The following RBMS3 variants were observed in gnomAD, a reference collection of about 807,000 sequenced individuals.
The protein encoded by RBMS3 is RNA binding motif single stranded interacting protein 3.
A neutral mutation model predicts 66.8 loss-of-function variants in RBMS3; 27 were observed. The ratio of observed to expected loss-of-function variants is 0.40; its 90% confidence interval spans 0.30 to 0.56. RBMS3 has a LOEUF of 0.56. Among genes scored for constraint, RBMS3 ranks in the 20% least tolerant of loss-of-function variants. The probability of loss-of-function intolerance (pLI) is 0.40; values close to 1 mark genes in which losing one functional copy is unlikely to be tolerated. For missense variants in RBMS3, 513 were observed against 549.5 expected, an observed-to-expected ratio of 0.93 and a Z score of 0.66; for synonymous variants, 188 against 183.0, an observed-to-expected ratio of 1.03 and a Z score of -0.22.
intron 2 of RBMS3, among the ~76,000 whole-genome samples, chr3:29,468,586 A>G (rs2042616181): frequency 6.6e-6 from 1 of 152,152 alleles, no homozygotes; most frequent in African/African-American, 2.4e-5. Context: ...ACTTAATTGT[A>G]TCTTCTAATT....
chr3:29,936,087 G>T lies in RBMS3; in HGVS notation c.941G>T (p.Gly314Val). Residue 314 changes from glycine (G) to valine (V), a missense_variant and splice_region_variant, in exon 11 of 15, where the codon GGT becomes GTT. Physicochemically the swap from Gly to Val is moderately radical, Grantham distance 109. Coordinates refer to ENST00000383767, the MANE Select transcript of RBMS3 (RefSeq NM_001003793.3). Reference sequence around the variant, plus strand: ...AATGGACATTGTATATGCTTGTAGGGTGCTGTGATTACACCAACCATGGAC... The same window carrying T: ...AATGGACATTGTATATGCTTGTAGGTTGCTGTGATTACACCAACCATGGAC... Reference protein sequence around the residue: ...PHPPYVMQPTGAVITPTMDHP... With the variant: ...PHPPYVMQPTVAVITPTMDHP... 1 of 1,611,902 alleles carries T rather than the reference G, an allele frequency of 6.2e-7. No homozygotes were observed. Among genetic ancestry groups the T allele is most frequent in the Non-Finnish European group, 8.5e-7 (1 of 1,178,616 alleles).
intron 1 of RBMS3, among the ~76,000 whole-genome samples, chr3:29,316,030 C>T (rs564300768): frequency 2.6e-5 from 4 of 151,746 alleles, no homozygotes; most frequent in Admixed American, 6.6e-5. Flanking sequence ...TTGGCTACCT[C>T]TTATTGGTTT....
At chr3:29,646,865 T>A (rs1240399974) in intron 4 of RBMS3, among the ~76,000 whole-genome samples, 1 of 152,004 alleles carries the variant, frequency 6.6e-6, no homozygotes. Context: ...AGTGGAGGAG[T>A]CTTTGGGGGC....
At chr3:29,478,799 G>A (rs752457735) in intron 2 of RBMS3, among the ~76,000 whole-genome samples, 1 of 152,214 alleles carries the variant, frequency 6.6e-6, no homozygotes, top group Non-Finnish European at 1.5e-5. Context: ...ATACACAGTT[G>A]TACTAGAATG....
At chr3:29,428,520 TTACTC>T (rs1223870048) in intron 1 of RBMS3, among the ~76,000 whole-genome samples, 8 of 152,000 alleles carry the variant, frequency 5.3e-5, no homozygotes, top group Non-Finnish European at 1.2e-4. Context: ...ATAATTTGCT[TTACTC>T]TATTGATGTG....
At chr3:29,565,645 T>A (rs2046715688) in intron 3 of RBMS3, among the ~76,000 whole-genome samples, 1 of 152,202 alleles carries the variant, frequency 6.6e-6, no homozygotes, top group Non-Finnish European at 1.5e-5. Flanking sequence ...AACCTCACCT[T>A]AAAATCCTAT....
rs184623031 is a variant in RBMS3 at position 29,924,576 on chromosome 3, G to A, written c.940-11510G>A. 2.0e-3 allele frequency among the ~76,000 whole-genome samples: 283 copies of A among 139,486 alleles called. 1 individual carries two copies. The highest frequency in any genetic ancestry group is 2.0e-3 in the Non-Finnish European group (127 of 64,938). The allele number at this position is 139,486 out of a possible 152,430, so 91.5% of individuals were successfully genotyped here. A position where few individuals can be genotyped will look rare whatever the true frequency, so the allele number is the denominator to read the frequency against. ...AGCAGTGCCAGGCATGGTGGCTCAC[G>A]CCTGTAATCCCAGCACTTTGGGAGG... is the stretch of plus-strand genomic sequence containing the variant. On this transcript the variant is annotated intron_variant, in intron 10 of 14. Transcript: ENST00000383767.
intron 6 of RBMS3, among the ~76,000 whole-genome samples, chr3:29,830,908 TAA>T (rs1407813475): frequency 6.6e-6 from 1 of 152,108 alleles, no homozygotes; most frequent in Non-Finnish European, 1.5e-5. Flanking sequence ...AAGTAAGAAT[TAA>T]AGTGACCTTA....
intron 12 of RBMS3, among the ~76,000 whole-genome samples, chr3:29,960,576 G>C (rs745823846): frequency 3.9e-5 from 6 of 152,192 alleles, no homozygotes; most frequent in Admixed American, 3.3e-4. Flanking sequence ...CTTCCACACT[G>C]CCCTAGCAGA....
intron 6 of RBMS3, among the ~76,000 whole-genome samples, chr3:29,842,510 A>G (rs1243407384): frequency 6.6e-6 from 1 of 152,176 alleles, no homozygotes; most frequent in Non-Finnish European, 1.5e-5. Flanking sequence ...AACAGTAATT[A>G]CTATTATTAT....
At chr3:29,859,271 G>A (rs947675127) in intron 6 of RBMS3, among the ~76,000 whole-genome samples, 2 of 151,936 alleles carry the variant, frequency 1.3e-5, no homozygotes, top group Non-Finnish European at 2.9e-5. Context: ...CCTAGCTTTC[G>A]GTTTTAATTC....
chr3:29,918,301 C>A (rs1314667488), intron 10 of RBMS3, among the ~76,000 whole-genome samples: 1 of 152,084 alleles, frequency 6.6e-6, no homozygotes, highest in Non-Finnish European at 1.5e-5. Flanking sequence ...ATGCCAATCA[C>A]ATTAGCATAT....
intron 2 of RBMS3, among the ~76,000 whole-genome samples, chr3:29,473,565 G>A (rs568762234): frequency 2.6e-4 from 39 of 152,322 alleles, no homozygotes; most frequent in Admixed American, 6.5e-4. Flanking sequence ...GGTGGCGCTC[G>A]TTGGGGAGGC....
At chr3:29,722,113 A>C (rs2053666658) in intron 4 of RBMS3, among the ~76,000 whole-genome samples, 1 of 152,196 alleles carries the variant, frequency 6.6e-6, no homozygotes, top group Admixed American at 6.6e-5. Context: ...TTTCTTTTAT[A>C]AGGTAAAGCA....
intron 3 of RBMS3, among the ~76,000 whole-genome samples, chr3:29,524,833 G>A (rs1330993696): frequency 6.6e-6 from 1 of 152,046 alleles, no homozygotes; most frequent in African/African-American, 2.4e-5. Context: ...TGGGTGGGTT[G>A]CTTGAGCCTA....
At chr3:29,500,029 C>G (rs2043905742) in intron 3 of RBMS3, among the ~76,000 whole-genome samples, 1 of 150,062 alleles carries the variant, frequency 6.7e-6, no homozygotes, top group South Asian at 2.1e-4. Flanking sequence ...AATAGATAAA[C>G]CAAAAACTGT....
intron 3 of RBMS3, among the ~76,000 whole-genome samples, chr3:29,550,334 T>C (rs1294021129): frequency 6.6e-6 from 1 of 152,198 alleles, no homozygotes; most frequent in East Asian, 1.9e-4. Context: ...ATTTATAAAA[T>C]ATAGGATGCT....
At chr3:29,492,786 A>T (rs1312868511) in intron 3 of RBMS3, among the ~76,000 whole-genome samples, 1 of 152,194 alleles carries the variant, frequency 6.6e-6, no homozygotes, top group East Asian at 1.9e-4. Flanking sequence ...TCCTCAGGGT[A>T]AGTTAGGTAG....
At chr3:29,859,245 G>A (rs1208372413) in intron 6 of RBMS3, among the ~76,000 whole-genome samples, 1 of 152,080 alleles carries the variant, frequency 6.6e-6, no homozygotes, top group Non-Finnish European at 1.5e-5. Context: ...ATTCTTTTAG[G>A]AGAACTAACT....
Sources: allele counts gnomAD v4.1 joint callset (sites outside exome capture counted in the v4.1 genomes callset), GRCh38; gene constraint gnomAD v4.1.1; transcripts MANE v1.5; gene names NCBI Gene and HGNC (gene_info 2026-07-23, HGNC 2026-07-21).